RHOBTB3: variants seen among roughly 807,000 people sequenced by gnomAD.
RHOBTB3 encodes the protein Rho related BTB domain containing 3.
Under a neutral mutation model 67.2 loss-of-function variants are expected in RHOBTB3, and 47 were observed. The ratio of observed to expected loss-of-function variants is 0.70; its 90% CI spans 0.55 to 0.89. RHOBTB3 has a LOEUF of 0.89. Among genes scored for constraint, RHOBTB3 ranks in the 40% least tolerant of loss-of-function variants. The probability of loss-of-function intolerance (pLI) is 0.00; values close to 1 mark genes in which losing one functional copy is unlikely to be tolerated. For synonymous variants in RHOBTB3, 273 were observed against 274.2 expected, an observed-to-expected ratio of 1.00 and a Z score of 0.04; for missense variants, 631 against 750.0, an observed-to-expected ratio of 0.84 and a Z score of 1.85.
At chr5:95,755,094 C>T (rs1238303602) in intron 5 of RHOBTB3, among the ~76,000 whole-genome samples, 1 of 152,100 alleles carries the variant, frequency 6.6e-6, no homozygotes, top group Non-Finnish European at 1.5e-5. Flanking sequence ...TTGTTCCGTA[C>T]GTCATTAGTG....
intron 1 of RHOBTB3, among the ~76,000 whole-genome samples, chr5:95,721,154 T>A (rs1754860230): frequency 5.9e-5 from 9 of 152,260 alleles, no homozygotes; most frequent in Admixed American, 5.9e-4. Context: ...TGCACTGCAC[T>A]ATTTACGTTG....
At chr5:95,751,073 A>T (rs888281779) in intron 4 of RHOBTB3, among the ~76,000 whole-genome samples, 2 of 152,120 alleles carry the variant, frequency 1.3e-5, no homozygotes, top group African/African-American at 4.8e-5. Context: ...CTCCATTTGG[A>T]CTTTTGCCCC....
intron 7 of RHOBTB3, 74 bp downstream of exon 7, chr5:95,763,694 A>G (rs1254431284): frequency 2.2e-5 from 19 of 858,452 alleles, no homozygotes; most frequent in Non-Finnish European, 3.5e-5. Context: ...TGAATATAAA[A>G]TTGAGTCGTT....
At chr5:95,754,091 C>CA (rs1047707172) in intron 5 of RHOBTB3, among the ~76,000 whole-genome samples, 21 of 149,242 alleles carry the variant, frequency 1.4e-4, no homozygotes, top group African/African-American at 3.0e-4. Context: ...GACTCTGTCT[C>CA]AAAAAAAAAG....
chr5:95,783,880 A>T lies in RHOBTB3; in HGVS notation c.1540A>T (p.Ile514Phe), dbSNP rs768785366. 57 of 1,613,914 alleles carry T rather than the reference A, an allele frequency of 3.5e-5. No homozygotes were observed. The highest frequency in any genetic ancestry group is 4.7e-5 in the Non-Finnish European group (56 of 1,179,958). ...SRLQHICELF[I>F]ITQLQSMPSR... ...ACTGCAGCACATCTGTGAGCTGTTC[A>T]TCATTACCCAGCTGCAGAGCATGCC... Residue 514 changes from isoleucine to phenylalanine, a missense_variant, in exon 10 of 12, where the codon ATC becomes TTC. By Grantham distance (21) the Ile-to-Phe change is conservative. Transcript: ENST00000379982.
intron 6 of RHOBTB3, among the ~76,000 whole-genome samples, chr5:95,759,277 C>T (rs575240469): frequency 3.9e-5 from 6 of 152,300 alleles, no homozygotes; most frequent in Middle Eastern, 6.8e-3. Flanking sequence ...AGCAGGGGCA[C>T]GGGCCATTGA....
intron 2 of RHOBTB3, among the ~76,000 whole-genome samples, chr5:95,735,958 C>G (rs1191887845): frequency 1.3e-5 from 2 of 152,026 alleles, no homozygotes; most frequent in African/African-American, 2.4e-5. Context: ...AAAAAATTAG[C>G]CGGAATGGTG....
intron 8 of RHOBTB3, among the ~76,000 whole-genome samples, chr5:95,775,547 A>G (rs1412944921): frequency 1.2e-4 from 18 of 152,074 alleles, no homozygotes; most frequent in Admixed American, 9.2e-4. Flanking sequence ...CAAGCATTTC[A>G]GATAAGGGCT....
intron 3 of RHOBTB3, among the ~76,000 whole-genome samples, chr5:95,747,466 C>G (rs898537023): frequency 1.3e-5 from 2 of 152,232 alleles, no homozygotes; most frequent in East Asian, 3.8e-4. Flanking sequence ...AATGAATTTA[C>G]CCTCTTTTGA....
At chr5:95,780,899 T>C (rs1204693795) in intron 9 of RHOBTB3, among the ~76,000 whole-genome samples, 1 of 152,192 alleles carries the variant, frequency 6.6e-6, no homozygotes, top group African/African-American at 2.4e-5. Context: ...GCCCAGAGGA[T>C]GTGGGATTTG....
chr5:95,740,980 T>G (rs1755578194), intron 3 of RHOBTB3, among the ~76,000 whole-genome samples: 1 of 152,198 alleles, frequency 6.6e-6, no homozygotes, highest in African/African-American at 2.4e-5. Context: ...TTATTAAGCC[T>G]AATACAATCA....
rs2112840478 is a variant in RHOBTB3, at chr5:95,788,864, T to C, written c.1720+6T>C. ...TGAATTTCAGGATCTTTCAGGTAGA[T>C]TGCTAATTTCTGTTTTGAAAAGAAA... is the stretch of plus-strand genomic sequence containing the variant. On this transcript the variant is annotated splice_donor_region_variant and intron_variant, in intron 11 of 11. Coordinates refer to ENST00000379982, the MANE Select transcript of RHOBTB3 (RefSeq NM_014899.4). The C allele has an allele frequency of 1.3e-6, 2 of 1,501,574 alleles. No homozygotes were observed. Among genetic ancestry groups the C allele is most frequent in the Non-Finnish European group, 1.8e-6 (2 of 1,118,278 alleles). 93.0% of individuals were successfully genotyped at this position (1,501,574 alleles called of 1,614,324 possible). A position where few individuals can be genotyped will look rare whatever the true frequency, so the allele number is the denominator to read the frequency against.
chr5:95,722,688 C>G (rs764293433), intron 1 of RHOBTB3, among the ~76,000 whole-genome samples: 32 of 152,196 alleles, frequency 2.1e-4, no homozygotes, highest in Non-Finnish European at 4.0e-4. Context: ...CAGGGTTTCA[C>G]CTTGTTGGCC....
intron 8 of RHOBTB3, among the ~76,000 whole-genome samples, chr5:95,772,898 T>C (rs1237851438): frequency 5.9e-5 from 9 of 152,202 alleles, no homozygotes. Context: ...TTTTGCAGCA[T>C]AGTTTGAGAG....
rs569683907 is a variant in RHOBTB3, at chr5:95,721,943, GA to G, written n.133+4182del. Reference sequence around the variant, plus strand: ...TTCTCAAAAAAGGAAAAATCTCTAAGAAAATTTTGATTACTATTAACTGTAA... The same window carrying G: ...TTCTCAAAAAAGGAAAAATCTCTAAGAAATTTTGATTACTATTAACTGTAA... On this transcript the variant is annotated intron_variant and non_coding_transcript_variant, in intron 1 of 5. Coordinates refer to the RHOBTB3 transcript ENST00000504949. Among the ~76,000 whole-genome samples, 412 of 152,178 alleles carry G rather than the reference GA, an allele frequency of 2.7e-3. 1 individual carries two copies. Among genetic ancestry groups the G allele is most frequent in the Non-Finnish European group, 4.5e-3 (303 of 68,002 alleles).
At chr5:95,788,706 TATC>T in intron 10 of RHOBTB3, 53 bp from the exon 11 acceptor site, 1 of 1,186,682 alleles carries the variant, frequency 8.4e-7, no homozygotes, top group Non-Finnish European at 1.2e-6. Context: ...CTCTTGATCT[TATC>T]ATACCAGTGG....
intron 9 of RHOBTB3, chr5:95,782,662 T>C (rs1746087282): frequency 6.6e-6 from 1 of 151,874 alleles, no homozygotes; most frequent in East Asian, 1.9e-4. Flanking sequence ...CAAAAAAAAT[T>C]AGCCGGGCGT....
chr5:95,787,018 C>T (rs901880576), intron 10 of RHOBTB3, among the ~76,000 whole-genome samples: 6 of 152,152 alleles, frequency 3.9e-5, no homozygotes, highest in Admixed American at 1.3e-4. Context: ...TTCCTGGAAG[C>T]GGAAAGCTTA....
rs181620319 is a variant in RHOBTB3, at chr5:95,777,621, T to A, written c.1283-2631T>A. ...AGTACGTAAACCATAAACCGCATTA[T>A]GTTCCTTCAGCATATTTTTATATAC... On this transcript the variant is annotated intron_variant, in intron 8 of 11. Coordinates refer to ENST00000379982, the MANE Select transcript of RHOBTB3 (RefSeq NM_014899.4). Among the ~76,000 whole-genome samples the A allele has an allele frequency of 4.3e-4, 65 of 152,356 alleles. No homozygotes were observed. The East Asian group carries it at 9.6e-3, about 23-fold the overall frequency.
Sources: gnomAD v4.1 joint callset for allele counts (sites outside exome capture counted in the v4.1 genomes callset) on GRCh38, gnomAD v4.1.1 for gene constraint, MANE v1.5 for transcripts, NCBI Gene and HGNC (gene_info 2026-07-23, HGNC 2026-07-21) for gene names.